ADAMTS13: variants seen among roughly 807,000 people sequenced by gnomAD.
ADAMTS13 encodes ADAM metallopeptidase with thrombospondin type 1 motif 13.
In ADAMTS13, 110 loss-of-function variants were observed where a neutral mutation model predicts 155.1. The ratio of observed to expected loss-of-function variants is 0.71; its 90% confidence interval spans 0.61 to 0.83. The LOEUF (loss-of-function observed/expected upper bound fraction) is 0.83, where lower values mean the gene tolerates loss of function less well. Ranked by LOEUF, ADAMTS13 falls within the 40% of genes least tolerant of loss-of-function variation. ADAMTS13 has a pLI of 0.00. For missense variants in ADAMTS13, 1,707 were observed against 1,891.7 expected (o/e 0.90, Z 1.81); for synonymous variants, 758 against 756.4 (o/e 1.00, Z -0.03).
intron 22 of ADAMTS13, among the ~76,000 whole-genome samples, chr9:133,449,159 G>A (rs982253636): frequency 6.6e-6 from 1 of 152,174 alleles, no homozygotes; most frequent in African/African-American, 2.4e-5. Context: ...CATGCTCGAT[G>A]CAACGCGTGT....
rs1841980489 is a variant in ADAMTS13 at position 133,445,268 on chromosome 9, G to A, written c.2610+216G>A. On this transcript the variant is annotated intron_variant, in intron 20 of 28. Transcript: ENST00000355699. This position sits in a 1 kb window ranked among gnomAD's most constrained non-coding sequence, Gnocchi z 5.0. ...TCCCATTCCCCTTGCAAGCCGGGCTGAGGGAAGCATCTGAGGAGAGTGTAA... is the reference window on the plus strand; with the variant it reads ...TCCCATTCCCCTTGCAAGCCGGGCTAAGGGAAGCATCTGAGGAGAGTGTAA... 6.6e-6 allele frequency among the ~76,000 whole-genome samples: 1 copy of A among 152,228 alleles called. No individual in the cohort carries two copies. Among genetic ancestry groups the A allele is most frequent in the South Asian group, 2.1e-4 (1 of 4,836 alleles).
chr9:133,426,927 C>G (rs2130788847), intron 6 of ADAMTS13, among the ~76,000 whole-genome samples: 2 of 152,228 alleles, frequency 1.3e-5, no homozygotes, highest in South Asian at 4.1e-4. Context: ...CCTCAGCCTC[C>G]CAAGTAGCTG....
Position 133,428,709 on chromosome 9 carries a change from C to G in ADAMTS13, c.762C>G (p.Ala254=), listed in dbSNP as rs1212704138. The G allele has an allele frequency of 7.4e-7, 1 of 1,353,574 alleles. No homozygotes were observed. Among genetic ancestry groups the G allele is most frequent in the South Asian group, 1.8e-5 (1 of 57,102 alleles). 83.8% of individuals were successfully genotyped at this position (1,353,574 alleles called of 1,614,324 possible). A position where few individuals can be genotyped will look rare whatever the true frequency, so the allele number is the denominator to read the frequency against. ...GACACGTGATGGCTTCGGACGGCGC[C>G]GCGCCCCGCGCCGGCCTCGCCTGGT... The part of the protein sequence containing the change: ...PSGHVMASDG[A]APRAGLAWSP... Residue 254 remains alanine (A), a synonymous_variant, in exon 7 of 29, where the codon GCC becomes GCG. Coordinates refer to ENST00000355699, the MANE Select transcript of ADAMTS13 (RefSeq NM_139027.6).
rs1489208646 is a variant in ADAMTS13, at chr9:133,437,856, G to A, written c.1543G>A (p.Glu515Lys). 20 of 1,613,800 alleles carry A rather than the reference G, an allele frequency of 1.2e-5. No individual in the cohort carries two copies. The highest frequency in any genetic ancestry group is 1.5e-5 in the Non-Finnish European group (18 of 1,180,042). ...GTRCMPSGPR[E>K]DGTLSLCVSG... is the part of the protein sequence containing the mutation. ...CCGGTGTATGCCAAGTGGCCCCCGG[G>A]AGGACGGGACCCTGAGCCTGTGTGT... The change falls in exon 13 of 29, where the codon GAG becomes AAG. Residue 515 changes from glutamate (E) to lysine (K), a missense_variant. This residue lies in a region of ADAMTS13 where 733 missense variants were observed against 749.6 expected (regional missense o/e 0.98). Transcript: ENST00000355699.
rs1841836569 is a variant in ADAMTS13, at chr9:133,443,459, A to G, written c.2318A>G (p.Gln773Arg). The stretch of plus-strand genomic sequence containing the variant: ...CGGCCAGTGCGCTGCGTGGAGGCCC[A>G]GGGCAGCCTCCTGAAGACATTGCCC... ...RERPVRCVEA[Q>R]GSLLKTLPPA... Residue 773 changes from glutamine (Q) to arginine (R), a missense_variant, in exon 19 of 29, where the codon CAG becomes CGG. Around this residue, in one of 3 missense-constraint regions of ADAMTS13, gnomAD observed 961 missense variants for 1,107.9 expected, o/e 0.87. Coordinates refer to ENST00000355699, the MANE Select transcript of ADAMTS13 (RefSeq NM_139027.6). The G allele has an allele frequency of 2.5e-6, 4 of 1,592,572 alleles. No homozygotes were observed. Among genetic ancestry groups the G allele is most frequent in the Non-Finnish European group, 3.4e-6 (4 of 1,175,084 alleles).
chr9:133,419,738 CT>C (rs1047230124), upstream of ADAMTS13, among the ~76,000 whole-genome samples: 2 of 151,364 alleles, frequency 1.3e-5, no homozygotes, highest in East Asian at 1.9e-4. Flanking sequence ...AAAGGGTTTT[CT>C]TTTTTTTTGT....
Position 133,444,938 on chromosome 9 carries a change from G to A in ADAMTS13, c.2496G>A (p.Val832=), listed in dbSNP as rs1841953214. 3 of 1,613,506 alleles carry A rather than the reference G, an allele frequency of 1.9e-6. No homozygotes were observed. The highest frequency in any genetic ancestry group is 2.5e-6 in the Non-Finnish European group (3 of 1,180,030). The part of the protein sequence containing the change: ...AGLALENETC[V]PGADGLEAPV... The stretch of plus-strand genomic sequence containing the variant: ...TGGCCTTGGAGAACGAGACCTGTGT[G>A]CCAGGGGCAGATGGCCTGGAGGCTC... The change falls in exon 20 of 29, where the codon GTG becomes GTA. Residue 832 remains valine, a synonymous_variant. Transcript: ENST00000355699.
rs782637987 is a variant in ADAMTS13 at position 133,440,325 on chromosome 9, A to G, written c.1787-19A>G. On this transcript the variant is annotated intron_variant, in intron 15 of 28. Transcript: ENST00000355699. The surrounding 1 kb of genome is among the most constrained non-coding windows in gnomAD (Gnocchi z 4.3). ...GGGTGCTCAGCTCCACACAGCTAACAGGGCTGGTTCCCCGACAGCGGTGAG... is the reference window on the plus strand; with the variant it reads ...GGGTGCTCAGCTCCACACAGCTAACGGGGCTGGTTCCCCGACAGCGGTGAG... 1.2e-6 allele frequency: 2 copies of G among 1,613,818 alleles called. No homozygotes were observed. The highest frequency in any genetic ancestry group is 1.1e-5 in the South Asian group (1 of 91,092).
chr9:133,429,920 G>C lies in ADAMTS13; in HGVS notation c.825-19G>C. 2 of 1,534,622 alleles carry C rather than the reference G, an allele frequency of 1.3e-6. No individual in the cohort carries two copies. The highest frequency in any genetic ancestry group is 1.7e-6 in the Non-Finnish European group (2 of 1,145,486). On this transcript the variant is annotated intron_variant, in intron 7 of 28. Coordinates refer to ENST00000355699, the MANE Select transcript of ADAMTS13 (RefSeq NM_139027.6). ...TACACCCCGGGACTGAGCCGGGCCT[G>C]AGCCGGGCCTTGTCGCAGCGCAGGA...
chr9:133,450,032 G>T, intron 23 of ADAMTS13, 67 bp downstream of exon 23: 1 of 1,518,868 alleles, frequency 6.6e-7, no homozygotes, highest in Non-Finnish European at 8.8e-7. Context: ...GCGCTGTGGT[G>T]TGTGCCTGTA....
rs60398774 is a variant in ADAMTS13 at position 133,440,436 on chromosome 9, G to A, written c.1879G>A (p.Glu627Lys). ...YPSLLEDGRV[E>K]YRVALTEDRL... is the part of the protein sequence containing the mutation. ...CTCCCTCCTGGAGGATGGTCGTGTC[G>A]AGTACAGAGTGGCCCTCACCGAGGA... The change falls in exon 16 of 29, where the codon GAG (glutamate) becomes AAG (lysine). Residue 627 changes from glutamate (E) to lysine (K), a missense_variant. Physicochemically the swap from Glu to Lys is moderately conservative, Grantham distance 56. This residue lies in a region of ADAMTS13 where 961 missense variants were observed against 1,107.9 expected (regional missense o/e 0.87). Coordinates refer to ENST00000355699, the MANE Select transcript of ADAMTS13 (RefSeq NM_139027.6). This position sits in a 1 kb window ranked among gnomAD's most constrained non-coding sequence, Gnocchi z 4.3. 5.0e-6 allele frequency: 8 copies of A among 1,613,694 alleles called. No homozygotes were observed. The Admixed American group carries it at 5.0e-5, about 10-fold the overall frequency.
Position 133,424,531 on chromosome 9 carries a change from A to G in ADAMTS13, c.330+53A>G. 6.3e-7 allele frequency: 1 copy of G among 1,576,824 alleles called. No individual in the cohort carries two copies. Among genetic ancestry groups the G allele is most frequent in the East Asian group, 2.4e-5 (1 of 42,480 alleles). ...GTCCCCACGGCCAGGGCTGGTGACC[A>G]ATGTCTGTGGGCTGGTGTATCTGGT... is the stretch of plus-strand genomic sequence containing the variant. On this transcript the variant is annotated intron_variant, in intron 3 of 28. Coordinates refer to ENST00000355699, the MANE Select transcript of ADAMTS13 (RefSeq NM_139027.6). This position sits in a 1 kb window ranked among gnomAD's most constrained non-coding sequence, Gnocchi z 4.3.
At position 133,436,847 on chromosome 9, in the gene ADAMTS13, C is replaced by A. The variant is rs782174746; in HGVS notation, c.1327C>A (p.Leu443Met). Residue 443 changes from leucine to methionine, a missense_variant, in exon 12 of 29, where the codon CTG (leucine) becomes ATG (methionine). Around this residue, in one of 3 missense-constraint regions of ADAMTS13, gnomAD observed 733 missense variants for 749.6 expected, o/e 0.98. Transcript: ENST00000355699. The part of the protein sequence containing the change: ...CNTQACEKTQ[L>M]EFMSQQCART... ...TGGCCAGGCCTGCGAGAAGACCCAG[C>A]TGGAGTTCATGTCGCAACAGTGCGC... 228 of 1,555,486 alleles carry A rather than the reference C, an allele frequency of 1.5e-4. No homozygotes were observed. The highest frequency in any genetic ancestry group is 1.9e-4 in the Non-Finnish European group (217 of 1,148,088).
At chr9:133,451,122 T>C (rs952776236) in intron 23 of ADAMTS13, among the ~76,000 whole-genome samples, 1 of 152,168 alleles carries the variant, frequency 6.6e-6, no homozygotes, top group African/African-American at 2.4e-5. Context: ...TTTTTGTAGG[T>C]TTGCATTTTT....
chr9:133,458,489 G>A (rs1842876062), intron 28 of ADAMTS13, among the ~76,000 whole-genome samples: 1 of 129,084 alleles, frequency 7.7e-6, no homozygotes, highest in Admixed American at 1.0e-4. Context: ...CCGGGAGGTG[G>A]AGGTTGCACT....
chr9:133,423,786 C>T (rs933874673), intron 2 of ADAMTS13, among the ~76,000 whole-genome samples: 8 of 152,222 alleles, frequency 5.3e-5, no homozygotes, highest in African/African-American at 1.7e-4. Flanking sequence ...CCTGGGGCCA[C>T]GCTGGGGGCT....
rs895640731 is a variant in ADAMTS13 at position 133,443,680 on chromosome 9, T to C, written c.2420+119T>C. On this transcript the variant is annotated intron_variant, in intron 19 of 28. Transcript: ENST00000355699. The stretch of plus-strand genomic sequence containing the variant: ...TGAGGCCTCCGGCGGGGCCTCACCA[T>C]CCAGGGTGATGGGCAGTGTCACCTG... 1.7e-5 allele frequency: 19 copies of C among 1,138,050 alleles called. No homozygotes were observed. The Admixed American group carries it at 2.0e-4, about 12-fold the overall frequency. The allele number at this position is 1,138,050 out of a possible 1,614,324, so 70.5% of individuals were successfully genotyped here. A position where few individuals can be genotyped will look rare whatever the true frequency, so the allele number is the denominator to read the frequency against.
intron 11 of ADAMTS13, among the ~76,000 whole-genome samples, chr9:133,435,839 C>G (rs782321998): frequency 6.6e-6 from 1 of 152,080 alleles, no homozygotes; most frequent in Non-Finnish European, 1.5e-5. Flanking sequence ...GCATGTTTGG[C>G]TTTTAAAGAA....
chr9:133,439,484 C>T (rs1235997439), intron 15 of ADAMTS13, 38 bp downstream of exon 15: 2 of 1,551,144 alleles, frequency 1.3e-6, no homozygotes, highest in African/African-American at 2.7e-5. Flanking sequence ...GTTAGCTAGA[C>T]TGCAAAGGTG....
Sources: gnomAD v4.1 joint callset for allele counts (sites outside exome capture counted in the v4.1 genomes callset) on GRCh38, gnomAD v4.1.1 for gene constraint, gnomAD v4.1.1 regional missense constraint, Gnocchi (gnomAD v3.1) non-coding constraint, MANE v1.5 for transcripts, NCBI Gene and HGNC (gene_info 2026-07-23, HGNC 2026-07-21) for gene names.